Variants in RTTN observed in about 807,000 individuals in gnomAD.
The protein encoded by RTTN is rotatin.
A neutral mutation model predicts 269.2 loss-of-function variants in RTTN; 182 were observed. That is an observed-to-expected ratio of 0.68 (90% CI 0.60 to 0.76). The LOEUF is 0.76. RTTN is among the 30% of genes least tolerant of loss of function. The pLI is 0.00. For missense variants in RTTN, 2,545 were observed against 2,608.6 expected, an observed-to-expected ratio of 0.98 and a Z score of 0.53; for synonymous variants, 1,006 against 963.5, an observed-to-expected ratio of 1.04 and a Z score of -0.82.
intron 44 of RTTN, among the ~76,000 whole-genome samples, chr18:70,023,953 T>C (rs1288416585): frequency 6.6e-6 from 1 of 152,134 alleles, no homozygotes; most frequent in East Asian, 1.9e-4. Context: ...TGGCTAATTT[T>C]TGTGTTTTTA....
chr18:70,050,772 G>C (rs1028991496), intron 39 of RTTN, among the ~76,000 whole-genome samples: 2 of 152,158 alleles, frequency 1.3e-5, no homozygotes, highest in Non-Finnish European at 2.9e-5. Context: ...TGTCCTTTCA[G>C]GTACACGGAT....
chr18:70,057,890 T>G (rs2144874693), intron 36 of RTTN, 58 bp from the exon 37 acceptor site: 3 of 1,234,262 alleles, frequency 2.4e-6, no homozygotes, highest in East Asian at 2.5e-5. Flanking sequence ...TTATTAAAGA[T>G]TAAGAAATCA....
intron 40 of RTTN, among the ~76,000 whole-genome samples, chr18:70,038,061 G>C (rs2144688448): frequency 6.6e-6 from 1 of 152,352 alleles, no homozygotes; most frequent in Middle Eastern, 3.4e-3. Context: ...AAAGGACCCA[G>C]TATTGTGGTT....
chr18:70,023,767 C>T (rs1413473072), intron 44 of RTTN, among the ~76,000 whole-genome samples: 1 of 152,142 alleles, frequency 6.6e-6, no homozygotes, highest in Admixed American at 6.5e-5. Context: ...TCTCCACATA[C>T]CACCCAGGGC....
At chr18:70,053,997 C>G in intron 38 of RTTN, 134 bp downstream of exon 38, 1 of 707,828 alleles carries the variant, frequency 1.4e-6, no homozygotes, top group Non-Finnish European at 2.3e-6. Flanking sequence ...CTATAAAACA[C>G]ATTATCAAAG....
At position 70,037,222 on chromosome 18, in the gene RTTN, A is replaced by C. The variant is rs1401000071; in HGVS notation, c.5542-6241T>G. 2.0e-5 allele frequency among the ~76,000 whole-genome samples: 3 copies of C among 152,166 alleles called. No individual in the cohort carries two copies. In the East Asian group the frequency reaches 5.8e-4, roughly 29 times the overall value. On this transcript the variant is annotated intron_variant, in intron 40 of 48. Coordinates refer to ENST00000640769, the MANE Select transcript of RTTN (RefSeq NM_173630.4). ...ACACAAGGCCTGCAATTCCTAGGCA[A>C]CTCCTAGTATTAGGCTGGGCTTAGA...
At chr18:70,131,154 A>C (rs2059988604) in intron 23 of RTTN, 1 of 151,594 alleles carries the variant, frequency 6.6e-6, no homozygotes, top group African/African-American at 2.4e-5. Flanking sequence ...ATTAAAAAAA[A>C]AAAAAACCTG....
At chr18:70,186,489 C>T (rs919949334) in intron 10 of RTTN, among the ~76,000 whole-genome samples, 11 of 152,100 alleles carry the variant, frequency 7.2e-5, no homozygotes, top group Non-Finnish European at 1.5e-4. Context: ...CGCGGTGGCT[C>T]GCACCTGTAA....
intron 27 of RTTN, among the ~76,000 whole-genome samples, chr18:70,114,122 C>T (rs2059543680): frequency 6.6e-6 from 1 of 152,048 alleles, no homozygotes; most frequent in African/African-American, 2.4e-5. Context: ...TAAAGATAAT[C>T]ATAAAGTCAT....
chr18:70,091,697 G>C (rs1296681004), intron 30 of RTTN: 2 of 152,124 alleles, frequency 1.3e-5, no homozygotes, highest in African/African-American at 4.8e-5. Flanking sequence ...TAAAACATAA[G>C]GTAGAGTCAC....
At position 70,075,363 on chromosome 18, in the gene RTTN, T is replaced by A; in HGVS notation, c.4553A>T (p.Asn1518Ile). ...FSAFDRNSES[N>I]DLNGLDDSFK... ...GATATCGTACTTACCATTTAAATCA[T>A]TGCTTTCTGAATTTCTATCAAAAGC... The change falls in exon 33 of 49, where the codon AAT becomes ATT. Residue 1518 changes from asparagine (N) to isoleucine (I), a missense_variant. Coordinates refer to ENST00000640769, the MANE Select transcript of RTTN (RefSeq NM_173630.4). The A allele has an allele frequency of 6.3e-7, 1 of 1,576,740 alleles. No homozygotes were observed. The highest frequency in any genetic ancestry group is 8.6e-7 in the Non-Finnish European group (1 of 1,163,724).
chr18:70,098,093 T>TA (rs1483205684), intron 28 of RTTN, among the ~76,000 whole-genome samples: 1 of 151,664 alleles, frequency 6.6e-6, no homozygotes, highest in Non-Finnish European at 1.5e-5. Flanking sequence ...CAATTATATA[T>TA]TTTTTTTAAT....
At chr18:70,030,525 A>G (rs964806440) in intron 41 of RTTN, among the ~76,000 whole-genome samples, 3 of 152,202 alleles carry the variant, frequency 2.0e-5, no homozygotes, top group African/African-American at 7.2e-5. Context: ...TTTACCATCA[A>G]AACTATGTGG....
At chr18:70,114,370 A>G (rs976686309) in intron 27 of RTTN, 75 bp downstream of exon 27, 11 of 1,328,632 alleles carry the variant, frequency 8.3e-6, no homozygotes, top group Non-Finnish European at 1.1e-5. Flanking sequence ...AGAAGTACAA[A>G]GTAAAACTTT....
chr18:70,137,583 A>C, intron 21 of RTTN, among the ~76,000 whole-genome samples: 1 of 150,926 alleles, frequency 6.6e-6, no homozygotes. Flanking sequence ...TTTCCCCTTC[A>C]CTCCACACTC....
intron 40 of RTTN, among the ~76,000 whole-genome samples, chr18:70,036,531 T>C (rs1255296865): frequency 3.3e-5 from 5 of 151,938 alleles, no homozygotes; most frequent in African/African-American, 9.7e-5. Flanking sequence ...CAATAGACAA[T>C]GGGGCCTACC....
At chr18:70,040,218 T>G (rs759047819) in intron 40 of RTTN, among the ~76,000 whole-genome samples, 29 of 152,206 alleles carry the variant, frequency 1.9e-4, no homozygotes, top group Non-Finnish European at 2.9e-4. Flanking sequence ...ACTTATCTGT[T>G]GCCTACAAGA....
chr18:70,100,788 G>C (rs1038927355), intron 28 of RTTN, among the ~76,000 whole-genome samples: 2 of 152,066 alleles, frequency 1.3e-5, no homozygotes, highest in Non-Finnish European at 2.9e-5. Flanking sequence ...TAGCATGAAG[G>C]GCTGTTGAAT....
chr18:70,089,630 T>G (rs2058790247), intron 30 of RTTN, among the ~76,000 whole-genome samples: 1 of 152,118 alleles, frequency 6.6e-6, no homozygotes, highest in Non-Finnish European at 1.5e-5. Flanking sequence ...AACGTAGACA[T>G]GGGTAATTCT....
Sources: allele counts gnomAD v4.1 joint callset (sites outside exome capture counted in the v4.1 genomes callset), GRCh38; gene constraint gnomAD v4.1.1; transcripts MANE v1.5; gene names NCBI Gene and HGNC (gene_info 2026-07-23, HGNC 2026-07-21).